HPSE2: variants seen among roughly 807,000 people sequenced by gnomAD.
HPSE2 encodes the protein inactive heparanase-2.
In HPSE2, 38 loss-of-function variants were observed where a neutral mutation model predicts 60.5. The observed-to-expected ratio is 0.63, with a 90% confidence interval of 0.48 to 0.82. HPSE2 has a LOEUF of 0.82. Ranked by LOEUF, HPSE2 falls within the 40% of genes least tolerant of loss-of-function variation. HPSE2 has a pLI of 0.00. For missense variants in HPSE2, 713 were observed against 740.4 expected (o/e 0.96, Z 0.43); for synonymous variants, 295 against 293.2 (o/e 1.01, Z -0.06).
chr10:98,852,528 C>A (rs1158798408), intron 3 of HPSE2, among the ~76,000 whole-genome samples: 1 of 152,122 alleles, frequency 6.6e-6, no homozygotes, highest in African/African-American at 2.4e-5. Flanking sequence ...TCAAAATGAA[C>A]CCTGCCCCAT....
intron 3 of HPSE2, among the ~76,000 whole-genome samples, chr10:99,092,299 C>G (rs561435533): frequency 1.3e-5 from 2 of 151,986 alleles, no homozygotes; most frequent in Admixed American, 1.3e-4. Flanking sequence ...AAACATAATG[C>G]GTACTAAATA....
chr10:99,078,868 A>C (rs1411711617), intron 3 of HPSE2, among the ~76,000 whole-genome samples: 2 of 152,178 alleles, frequency 1.3e-5, no homozygotes, highest in African/African-American at 4.8e-5. Context: ...GGGACTTTTC[A>C]AACCTGTGTC....
At chr10:99,043,617 A>G (rs570118461) in intron 3 of HPSE2, among the ~76,000 whole-genome samples, 1 of 152,338 alleles carries the variant, frequency 6.6e-6, no homozygotes, top group South Asian at 2.1e-4. Flanking sequence ...CAATCCAAGG[A>G]ATGCAGTAAA....
chr10:98,772,247 CA>C (rs1950256325), intron 3 of HPSE2, among the ~76,000 whole-genome samples: 2 of 152,204 alleles, frequency 1.3e-5, no homozygotes, highest in South Asian at 4.1e-4. Flanking sequence ...ATGACATCCC[CA>C]GGGGCAAATA....
the HPSE2 span, among the ~76,000 whole-genome samples, chr10:99,315,177 A>T: frequency 0.49 from 74,617 of 152,106 alleles, 21,598 homozygotes; most frequent in Non-Finnish European, 0.64. Context: ...GCAGCAGGTC[A>T]AATACCCCAT....
intron 3 of HPSE2, among the ~76,000 whole-genome samples, chr10:98,780,789 G>C (rs972918849): frequency 6.6e-6 from 1 of 152,050 alleles, no homozygotes; most frequent in South Asian, 2.1e-4. Flanking sequence ...AATTTCTCAG[G>C]ACTTGACTCA....
chr10:98,769,131 C>G (rs1950187432), intron 3 of HPSE2, among the ~76,000 whole-genome samples: 1 of 152,130 alleles, frequency 6.6e-6, no homozygotes, highest in Admixed American at 6.6e-5. Flanking sequence ...TATCAATAAA[C>G]TGTTCTTGAA....
intron 2 of HPSE2, among the ~76,000 whole-genome samples, chr10:99,174,839 A>C (rs1847459387): frequency 6.6e-6 from 1 of 152,204 alleles, no homozygotes. Context: ...ACCGAATAGA[A>C]ACAGCTCCAG....
At chr10:99,077,445 G>A (rs2135562940) in intron 3 of HPSE2, among the ~76,000 whole-genome samples, 1 of 151,132 alleles carries the variant, frequency 6.6e-6, no homozygotes, top group South Asian at 2.1e-4. Flanking sequence ...AATAATTTCT[G>A]GTAATTTGTC....
At chr10:98,983,644 T>C (rs558989773) in intron 3 of HPSE2, among the ~76,000 whole-genome samples, 5 of 152,336 alleles carry the variant, frequency 3.3e-5, no homozygotes, top group Non-Finnish European at 5.9e-5. Flanking sequence ...GGGTCTTTTG[T>C]GGCTGGGAAG....
the HPSE2 span, among the ~76,000 whole-genome samples, chr10:99,250,519 C>T: frequency 1.3e-5 from 2 of 152,166 alleles, no homozygotes; most frequent in East Asian, 3.9e-4. Context: ...TAGACATCTA[C>T]AAAATACTCT....
chr10:98,560,163 G>A (rs570494973), intron 9 of HPSE2, among the ~76,000 whole-genome samples: 11 of 152,064 alleles, frequency 7.2e-5, no homozygotes, highest in Middle Eastern at 3.2e-3. Flanking sequence ...TCTCTGAGTC[G>A]CTTAGTTTCC....
intron 6 of HPSE2, among the ~76,000 whole-genome samples, chr10:98,643,362 T>C (rs952662528): frequency 1.9e-4 from 29 of 152,192 alleles, no homozygotes; most frequent in Admixed American, 1.6e-3. Flanking sequence ...TTCTTCCTAA[T>C]TGTCACCTCA....
chr10:98,836,381 C>G (rs564459836), intron 3 of HPSE2, among the ~76,000 whole-genome samples: 1 of 152,186 alleles, frequency 6.6e-6, no homozygotes, highest in Non-Finnish European at 1.5e-5. Context: ...TTCAAATACC[C>G]CATGCAAATC....
At chr10:98,809,329 T>G (rs1434475334) in intron 3 of HPSE2, among the ~76,000 whole-genome samples, 1 of 152,100 alleles carries the variant, frequency 6.6e-6, no homozygotes, top group Non-Finnish European at 1.5e-5. Flanking sequence ...TTGCATATGT[T>G]TAAAATTTCT....
intron 9 of HPSE2, among the ~76,000 whole-genome samples, chr10:98,513,594 ACT>A (rs1307507410): frequency 6.6e-6 from 1 of 152,344 alleles, no homozygotes; most frequent in African/African-American, 2.4e-5. Flanking sequence ...TCATCTGCTC[ACT>A]GTCAAAAGGT....
At chr10:99,069,913 G>C (rs750800944) in intron 3 of HPSE2, among the ~76,000 whole-genome samples, 6 of 152,024 alleles carry the variant, frequency 3.9e-5, no homozygotes, top group Non-Finnish European at 7.4e-5. Context: ...AACAAGGAGA[G>C]GGAAAGTGGG....
intron 7 of HPSE2, among the ~76,000 whole-genome samples, chr10:98,621,725 T>C (rs1589522426): frequency 2.0e-5 from 3 of 152,338 alleles, no homozygotes; most frequent in Admixed American, 2.0e-4. Context: ...TTGTGACCAT[T>C]AACCCCTTGC....
chr10:99,306,766 A>G, the HPSE2 span, among the ~76,000 whole-genome samples: 3 of 152,056 alleles, frequency 2.0e-5, no homozygotes, highest in Non-Finnish European at 2.9e-5. Flanking sequence ...CTGGAGTACA[A>G]TGGCGCGATC....
Sources: allele counts gnomAD v4.1 joint callset (sites outside exome capture counted in the v4.1 genomes callset), GRCh38; gene constraint gnomAD v4.1.1; transcripts MANE v1.5; gene names NCBI Gene and HGNC (gene_info 2026-07-23, HGNC 2026-07-21).